Variants in PTPRD observed in about 807,000 individuals in gnomAD.
The protein encoded by PTPRD is receptor-type tyrosine-protein phosphatase delta.
Under a neutral mutation model 214.5 loss-of-function variants are expected in PTPRD, and 34 were observed. The ratio of observed to expected loss-of-function variants is 0.16; its 90% CI spans 0.12 to 0.21. The LOEUF is 0.21. PTPRD is among the 10% of genes least tolerant of loss of function. The probability of loss-of-function intolerance (pLI) is 1.00; values close to 1 mark genes in which losing one functional copy is unlikely to be tolerated. For missense variants in PTPRD, 2,545 were observed against 2,398.7 expected, an observed-to-expected ratio of 1.06 and a Z score of -1.27; for synonymous variants, 1,128 against 845.7, an observed-to-expected ratio of 1.33 and a Z score of -5.79.
chr9:10,410,894 C>A (rs1443619573), intron 2 of PTPRD, among the ~76,000 whole-genome samples: 1 of 151,686 alleles, frequency 6.6e-6, no homozygotes, highest in African/African-American at 2.4e-5. Context: ...TAAATCACAG[C>A]TAAACTTACC....
At chr9:9,766,441 T>C (rs1349254826) in intron 6 of PTPRD, among the ~76,000 whole-genome samples, 4 of 152,218 alleles carry the variant, frequency 2.6e-5, no homozygotes, top group Non-Finnish European at 4.4e-5. Flanking sequence ...TTTAGGTAGT[T>C]CTTGCCTGAT....
chr9:8,718,384 T>A (rs1039943499), intron 12 of PTPRD, among the ~76,000 whole-genome samples: 1 of 152,178 alleles, frequency 6.6e-6, no homozygotes, highest in East Asian at 1.9e-4. Context: ...TCCCTCTCAC[T>A]CCAAATCACA....
intron 2 of PTPRD, among the ~76,000 whole-genome samples, chr9:10,433,510 C>A (rs2098696913): frequency 6.6e-6 from 1 of 151,908 alleles, no homozygotes; most frequent in South Asian, 2.1e-4. Flanking sequence ...TATATTACAG[C>A]ATTATTATTC....
At chr9:9,653,893 T>G (rs1272772557) in intron 7 of PTPRD, among the ~76,000 whole-genome samples, 1 of 152,222 alleles carries the variant, frequency 6.6e-6, no homozygotes, top group Non-Finnish European at 1.5e-5. Flanking sequence ...CTATTATTAT[T>G]TTCAATGGAA....
At chr9:8,737,660 C>T (rs1037214251) in intron 11 of PTPRD, among the ~76,000 whole-genome samples, 2 of 152,132 alleles carry the variant, frequency 1.3e-5, no homozygotes, top group Non-Finnish European at 2.9e-5. Context: ...TCTGCTCCTT[C>T]TTTCTTGAGA....
chr9:9,454,850 C>T (rs116309003), intron 8 of PTPRD, among the ~76,000 whole-genome samples: 2,020 of 150,280 alleles, frequency 0.013, 29 homozygotes, highest in African/African-American at 0.042. Flanking sequence ...TATATATATA[C>T]ACATATATAT....
At chr9:8,422,945 A>G (rs999634111) in intron 35 of PTPRD, among the ~76,000 whole-genome samples, 2 of 152,166 alleles carry the variant, frequency 1.3e-5, no homozygotes, top group Non-Finnish European at 2.9e-5. Flanking sequence ...TTCATTAACT[A>G]TACTAATTAT....
chr9:9,217,678 T>C (rs764591830), intron 9 of PTPRD, among the ~76,000 whole-genome samples: 5 of 152,146 alleles, frequency 3.3e-5, no homozygotes, highest in Non-Finnish European at 7.4e-5. Context: ...GACTTCCTTT[T>C]TATATTGAAG....
At chr9:9,463,331 C>T (rs910023237) in intron 8 of PTPRD, among the ~76,000 whole-genome samples, 3 of 151,958 alleles carry the variant, frequency 2.0e-5, no homozygotes, top group Non-Finnish European at 2.9e-5. Flanking sequence ...CTACATTAAC[C>T]AAATCTAGAC....
At chr9:8,733,664 T>TG in intron 12 of PTPRD, 116 bp downstream of exon 12, 1 of 1,045,088 alleles carries the variant, frequency 9.6e-7, no homozygotes, top group Non-Finnish European at 1.4e-6. Context: ...GATCCCGCAG[T>TG]GTCTCAGGAT....
At chr9:8,543,942 CT>C (rs1232547870) in intron 14 of PTPRD, among the ~76,000 whole-genome samples, 3 of 152,108 alleles carry the variant, frequency 2.0e-5, no homozygotes, top group African/African-American at 7.2e-5. Context: ...AAACCCCTGA[CT>C]TCATGACCTG....
intron 11 of PTPRD, among the ~76,000 whole-genome samples, chr9:8,824,612 G>C (rs897340595): frequency 4.8e-5 from 7 of 145,190 alleles, no homozygotes; most frequent in African/African-American, 1.8e-4. Flanking sequence ...GTTATTTTAA[G>C]TAAACTAAAT....
intron 2 of PTPRD, among the ~76,000 whole-genome samples, chr9:10,523,979 G>T (rs1039232932): frequency 6.6e-6 from 1 of 151,990 alleles, no homozygotes; most frequent in African/African-American, 2.4e-5. Flanking sequence ...CTGCAAGCTA[G>T]AAGTCCAAGA....
chr9:10,223,305 G>C (rs1191157088), intron 3 of PTPRD, among the ~76,000 whole-genome samples: 1 of 151,106 alleles, frequency 6.6e-6, no homozygotes, highest in East Asian at 2.0e-4. Context: ...TTATGCCCAT[G>C]TCCTGGCACT....
At chr9:9,711,112 T>C (rs1360880193) in intron 7 of PTPRD, among the ~76,000 whole-genome samples, 1 of 152,184 alleles carries the variant, frequency 6.6e-6, no homozygotes, top group Non-Finnish European at 1.5e-5. Flanking sequence ...CCCTAAACTG[T>C]AATAAGCAGG....
At chr9:8,979,212 G>A (rs115166476) in intron 11 of PTPRD, among the ~76,000 whole-genome samples, 551 of 152,190 alleles carry the variant, frequency 3.6e-3, no homozygotes, top group African/African-American at 0.012. Context: ...AGCATTTATA[G>A]CTAACAAAAT....
chr9:8,532,795 T>C (rs1421050249), intron 14 of PTPRD, among the ~76,000 whole-genome samples: 1 of 152,038 alleles, frequency 6.6e-6, no homozygotes, highest in African/African-American at 2.4e-5. Context: ...GTCATACATA[T>C]TTTGTTTGGA....
chr9:10,362,215 C>A (rs971244561), intron 2 of PTPRD, among the ~76,000 whole-genome samples: 3 of 152,232 alleles, frequency 2.0e-5, no homozygotes, highest in African/African-American at 7.2e-5. Context: ...ATGTTTATTT[C>A]ACTACCATAA....
intron 36 of PTPRD, among the ~76,000 whole-genome samples, chr9:8,393,968 T>C (rs2135903559): frequency 6.6e-6 from 1 of 152,050 alleles, no homozygotes; most frequent in African/African-American, 2.4e-5. Context: ...CCGACAGAGA[T>C]TGTGATGAGG....
Sources: gnomAD v4.1 joint callset for allele counts (sites outside exome capture counted in the v4.1 genomes callset) on GRCh38, gnomAD v4.1.1 for gene constraint, MANE v1.5 for transcripts, NCBI Gene and HGNC (gene_info 2026-07-23, HGNC 2026-07-21) for gene names.